Variants in HS3ST5 observed in about 807,000 individuals in gnomAD.
The protein encoded by HS3ST5 is heparan sulfate glucosamine 3-O-sulfotransferase 5.
In HS3ST5, 10 loss-of-function variants were observed where a neutral mutation model predicts 25.4. The observed-to-expected ratio is 0.39, with a 90% CI of 0.24 to 0.67. The LOEUF is 0.67. Ranked by LOEUF, HS3ST5 falls within the 30% of genes least tolerant of loss-of-function variation. The pLI, the probability that HS3ST5 is intolerant of heterozygous loss-of-function variation, is 0.44. For missense variants in HS3ST5, 324 were observed against 420.7 expected (o/e 0.77, Z 2.01); for synonymous variants, 170 against 162.4 (o/e 1.05, Z -0.36).
Position 114,203,895 on chromosome 6 carries a change from TG to T in HS3ST5, c.-145+24689del, listed in dbSNP as rs1781143544. Reference sequence around the variant, plus strand: ...ACTGTCTTAGTGTGATTGGATTTTCTGTGCAGCAGGCAAGAGGAACCCATTG... The same window carrying T: ...ACTGTCTTAGTGTGATTGGATTTTCTTGCAGCAGGCAAGAGGAACCCATTG... On this transcript the variant is annotated intron_variant, in intron 2 of 4. Transcript: ENST00000312719. Among the ~76,000 whole-genome samples the T allele has an allele frequency of 2.0e-5, 3 of 152,318 alleles. No homozygotes were observed. The South Asian group carries it at 6.2e-4, about 32-fold the overall frequency.
At chr6:114,110,166 T>C (rs1458734535) in intron 3 of HS3ST5, among the ~76,000 whole-genome samples, 1 of 152,130 alleles carries the variant, frequency 6.6e-6, no homozygotes, top group Non-Finnish European at 1.5e-5. Context: ...AGAGAATTGG[T>C]TTGATTTTCC....
chr6:114,106,560 A>G (rs777402327), intron 3 of HS3ST5, among the ~76,000 whole-genome samples: 3 of 152,124 alleles, frequency 2.0e-5, no homozygotes, highest in Non-Finnish European at 4.4e-5. Flanking sequence ...TATGCAGTAC[A>G]TGAAAATAAG....
chr6:114,067,022 G>T (rs1258565107), intron 3 of HS3ST5, among the ~76,000 whole-genome samples: 1 of 152,200 alleles, frequency 6.6e-6, no homozygotes, highest in Non-Finnish European at 1.5e-5. Flanking sequence ...CTCTGAGCCT[G>T]TCAGGTCAGC....
chr6:114,203,495 T>G (rs945378478), intron 2 of HS3ST5, among the ~76,000 whole-genome samples: 1 of 152,132 alleles, frequency 6.6e-6, no homozygotes, highest in Non-Finnish European at 1.5e-5. Context: ...ATTTGTAACT[T>G]CCCCAGTCGC....
At chr6:114,205,472 A>G (rs540744338) in intron 2 of HS3ST5, among the ~76,000 whole-genome samples, 8 of 152,298 alleles carry the variant, frequency 5.3e-5, no homozygotes, top group Non-Finnish European at 8.8e-5. Context: ...CAATGTATCA[A>G]CATGTCCACC....
At chr6:114,175,999 G>A (rs887521665) in intron 2 of HS3ST5, among the ~76,000 whole-genome samples, 3 of 152,060 alleles carry the variant, frequency 2.0e-5, no homozygotes, top group East Asian at 1.9e-4. Context: ...TGTTTTCATT[G>A]GCTCTCTTCT....
rs191269389 is a variant in HS3ST5, at chr6:114,266,135, A to G, written c.-338-37357T>C. Among the ~76,000 whole-genome samples the G allele has an allele frequency of 2.5e-3, 384 of 152,318 alleles. 1 individual carries two copies. Among genetic ancestry groups the G allele is most frequent in the Non-Finnish European group, 3.6e-3 (243 of 68,020 alleles). ...CTTCCTATATTCTGTTCTCTCAGTT[A>G]ATGATACTGTCAACTACCGATGCCA... On this transcript the variant is annotated intron_variant, in intron 1 of 4. Transcript: ENST00000312719.
At chr6:114,278,452 C>T (rs1050493707) in intron 1 of HS3ST5, among the ~76,000 whole-genome samples, 2 of 151,780 alleles carry the variant, frequency 1.3e-5, no homozygotes, top group Admixed American at 6.6e-5. Context: ...TGAAGTCCAA[C>T]AAAATAAAAT....
At chr6:114,329,398 G>A (rs1250300298) in intron 1 of HS3ST5, among the ~76,000 whole-genome samples, 1 of 152,178 alleles carries the variant, frequency 6.6e-6, no homozygotes, top group Non-Finnish European at 1.5e-5. Flanking sequence ...ACATCTGCAT[G>A]ACTAAAAGCA....
In HS3ST5 at chr6:114,065,265, G is replaced by A. The variant is rs373245111; in HGVS notation, c.-32-2388C>T. On this transcript the variant is annotated intron_variant, in intron 3 of 4. Coordinates refer to ENST00000312719, the MANE Select transcript of HS3ST5 (RefSeq NM_153612.4). ...TGTGATCACACAACTGACAGATAAT[G>A]TGAAGACAAAGACAGTTACCTATGT... Among the ~76,000 whole-genome samples, 5 of 152,324 alleles carry A rather than the reference G, an allele frequency of 3.3e-5. No homozygotes were observed. The South Asian group carries it at 6.2e-4, about 19-fold the overall frequency.
rs552042852 is a variant in HS3ST5 at position 114,114,681 on chromosome 6, T to G, written c.-32-51804A>C. On this transcript the variant is annotated intron_variant, in intron 3 of 4. Coordinates refer to ENST00000312719, the MANE Select transcript of HS3ST5 (RefSeq NM_153612.4). Reference sequence around the variant, plus strand: ...TGGCACAATATTTATGTTTTGATTTTTCCTTTCTTGACTAAATTAATCATA... The same window carrying G: ...TGGCACAATATTTATGTTTTGATTTGTCCTTTCTTGACTAAATTAATCATA... Among the ~76,000 whole-genome samples the G allele has an allele frequency of 2.8e-4, 43 of 152,254 alleles. 1 individual carries two copies. In the East Asian group the frequency reaches 8.1e-3, roughly 29 times the overall value.
intron 1 of HS3ST5, among the ~76,000 whole-genome samples, chr6:114,339,774 T>G (rs1442595133): frequency 6.6e-6 from 1 of 152,190 alleles, no homozygotes; most frequent in Non-Finnish European, 1.5e-5. Context: ...TTGAGTCACA[T>G]CTTAACGACA....
rs563916612 is a variant in HS3ST5 at position 114,321,329 on chromosome 6, C to G, written c.-339+20866G>C. On this transcript the variant is annotated intron_variant, in intron 1 of 4. Coordinates refer to ENST00000312719, the MANE Select transcript of HS3ST5 (RefSeq NM_153612.4). The stretch of plus-strand genomic sequence containing the variant: ...ACCTTTAGCTGAAATTTCCTGTCCT[C>G]TTTCCCTTTTAATTTTTTCTTCATT... Among the ~76,000 whole-genome samples the G allele has an allele frequency of 2.6e-5, 4 of 152,218 alleles. No individual in the cohort carries two copies. The South Asian group carries it at 8.3e-4, about 32-fold the overall frequency.
rs542012303 is a variant in HS3ST5, at chr6:114,166,655, C to T, written c.-33+1696G>A. Among the ~76,000 whole-genome samples, 3 of 152,190 alleles carry T rather than the reference C, an allele frequency of 2.0e-5. No individual in the cohort carries two copies. In the South Asian group the frequency reaches 6.2e-4, roughly 32 times the overall value. ...TAAAAGGACCAATCTCACAGTGAAC[C>T]TAGGAATGAGAGGTTAAATTGTGTT... On this transcript the variant is annotated intron_variant, in intron 3 of 4. Transcript: ENST00000312719.
At chr6:114,186,057 C>T (rs1780202902) in intron 2 of HS3ST5, among the ~76,000 whole-genome samples, 1 of 151,982 alleles carries the variant, frequency 6.6e-6, no homozygotes, top group South Asian at 2.1e-4. Flanking sequence ...TCTGACTGCT[C>T]CAATCACTGG....
chr6:114,261,516 T>A (rs1029561799), intron 1 of HS3ST5, among the ~76,000 whole-genome samples: 1 of 152,140 alleles, frequency 6.6e-6, no homozygotes, highest in African/African-American at 2.4e-5. Context: ...TGACAATTAG[T>A]CATATGAACG....
At chr6:114,334,436 C>G (rs997548319) in intron 1 of HS3ST5, among the ~76,000 whole-genome samples, 1 of 152,226 alleles carries the variant, frequency 6.6e-6, no homozygotes, top group African/African-American at 2.4e-5. Flanking sequence ...CATAAAATGT[C>G]AGTTCCCACT....
At chr6:114,218,562 C>T (rs1273626702) in intron 2 of HS3ST5, among the ~76,000 whole-genome samples, 4 of 152,170 alleles carry the variant, frequency 2.6e-5, no homozygotes, top group Non-Finnish European at 5.9e-5. Context: ...TTACTAAGCT[C>T]ATCAGTAGGT....
chr6:114,077,624 C>T (rs1324703778), intron 3 of HS3ST5, among the ~76,000 whole-genome samples: 1 of 152,162 alleles, frequency 6.6e-6, no homozygotes, highest in African/African-American at 2.4e-5. Context: ...CTGGATTAAG[C>T]TCCTCCCTCT....
Sources: allele counts gnomAD v4.1 joint callset (sites outside exome capture counted in the v4.1 genomes callset), GRCh38; gene constraint gnomAD v4.1.1; transcripts MANE v1.5; gene names NCBI Gene and HGNC (gene_info 2026-07-23, HGNC 2026-07-21).